Variants in RAB11FIP2 observed in about 807,000 individuals in gnomAD.
RAB11FIP2 encodes rab11 family-interacting protein 2.
Under a neutral mutation model 40.9 loss-of-function variants are expected in RAB11FIP2, and 16 were observed. The observed-to-expected ratio is 0.39, with a 90% CI of 0.26 to 0.59. The LOEUF is 0.59. Ranked by LOEUF, RAB11FIP2 falls within the 20% of genes least tolerant of loss-of-function variation. The pLI is 0.53. For missense variants in RAB11FIP2, 532 were observed against 606.2 expected (o/e 0.88, Z 1.28); for synonymous variants, 228 against 213.7 (o/e 1.07, Z -0.58).
At position 118,046,445 on chromosome 10, in the gene RAB11FIP2, T is replaced by G. The variant is rs1846640017; in HGVS notation, c.-282A>C. ...GCGGACCCCCGCCCCTGTCTCCACC[T>G]TCCCCAGGCCTGCGGGGCACGTGAG... On this transcript the variant is annotated 5_prime_UTR_variant, in exon 1 of 5. Coordinates refer to ENST00000355624, the MANE Select transcript of RAB11FIP2 (RefSeq NM_014904.3). 2.2e-4 allele frequency: 54 copies of G among 242,156 alleles called. No individual in the cohort carries two copies. The highest frequency in any genetic ancestry group is 2.6e-4 in the African/African-American group (3 of 11,530). 15.0% of individuals were successfully genotyped at this position (242,156 alleles called of 1,614,324 possible). A position where few individuals can be genotyped will look rare whatever the true frequency, so the allele number is the denominator to read the frequency against.
chr10:118,036,677 TC>T (rs1430283861), intron 3 of RAB11FIP2, among the ~76,000 whole-genome samples: 1 of 152,098 alleles, frequency 6.6e-6, no homozygotes, highest in Non-Finnish European at 1.5e-5. Context: ...AAGAATAACT[TC>T]CTAGGAATCC....
chr10:118,035,307 T>C (rs1846467205), intron 3 of RAB11FIP2, among the ~76,000 whole-genome samples: 1 of 152,202 alleles, frequency 6.6e-6, no homozygotes, highest in Non-Finnish European at 1.5e-5. Flanking sequence ...CAACCTACCC[T>C]AATACACAGT....
intron 3 of RAB11FIP2, among the ~76,000 whole-genome samples, chr10:118,017,181 T>C (rs1335830491): frequency 6.6e-6 from 1 of 152,214 alleles, no homozygotes; most frequent in Non-Finnish European, 1.5e-5. Flanking sequence ...GGCTCTAGAC[T>C]GCGTCCTCCT....
At position 118,015,631 on chromosome 10, in the gene RAB11FIP2, C is replaced by G. The variant is rs150875998; in HGVS notation, c.1266-521G>C. Among the ~76,000 whole-genome samples, 266 of 152,266 alleles carry G rather than the reference C, an allele frequency of 1.7e-3. 1 individual carries two copies. Among genetic ancestry groups the G allele is most frequent in the African/African-American group, 5.5e-3 (228 of 41,566 alleles). ...TCAGAATTGTGGGAAACATTTCTCT[C>G]GTTAATGTGATTTCTAAGTAGCTAG... On this transcript the variant is annotated intron_variant, in intron 3 of 4. Transcript: ENST00000355624.
intron 3 of RAB11FIP2, among the ~76,000 whole-genome samples, chr10:118,028,991 TAA>T (rs199730881): frequency 6.9e-6 from 1 of 144,266 alleles, no homozygotes; most frequent in Non-Finnish European, 1.5e-5. Flanking sequence ...TCCTAGTCTC[TAA>T]AAAAAAAACT....
chr10:118,008,853 T>A lies in RAB11FIP2; in HGVS notation c.*145A>T. On this transcript the variant is annotated 3_prime_UTR_variant, in exon 5 of 5. Transcript: ENST00000355624. ...TCACTCTTGATAGTCCCTGCTAATA[T>A]TTACAGGTAAAACTACTCTTCACAA... The A allele has an allele frequency of 1.5e-6, 1 of 668,400 alleles. No individual in the cohort carries two copies. The allele number at this position is 668,400 out of a possible 1,614,324, so 41.4% of individuals were successfully genotyped here. A position where few individuals can be genotyped will look rare whatever the true frequency, so the allele number is the denominator to read the frequency against.
At chr10:118,036,350 C>T (rs1198501778) in intron 3 of RAB11FIP2, among the ~76,000 whole-genome samples, 5 of 152,002 alleles carry the variant, frequency 3.3e-5, no homozygotes, top group African/African-American at 7.3e-5. Flanking sequence ...ATTCACAGCA[C>T]GTGTCTTAAT....
At position 118,015,103 on chromosome 10, in the gene RAB11FIP2, T is replaced by C. The variant is rs779295613; in HGVS notation, c.1273A>G (p.Met425Val). 3.5e-5 allele frequency: 56 copies of C among 1,608,334 alleles called. No individual in the cohort carries two copies. The highest frequency in any genetic ancestry group is 1.8e-4 in the Admixed American group (11 of 59,474). ...SNIMPSSSFH[M>V]SPTSNEDLRK... Reference sequence around the variant, plus strand: ...AGGTCTTCATTGCTTGTTGGACTCATATGAAAACTAATAAAACACAAACAA... The same window carrying C: ...AGGTCTTCATTGCTTGTTGGACTCACATGAAAACTAATAAAACACAAACAA... The change falls in exon 4 of 5, where the codon ATG becomes GTG. Residue 425 changes from methionine to valine, a missense_variant. Transcript: ENST00000355624.
chr10:118,045,596 AC>A, intron 1 of RAB11FIP2: 1 of 503,114 alleles, frequency 2.0e-6, no homozygotes, highest in Non-Finnish European at 3.5e-6. Flanking sequence ...CAGATGTTTA[AC>A]AGAAAGAATA....
At chr10:118,036,241 C>T (rs1341204953) in intron 3 of RAB11FIP2, among the ~76,000 whole-genome samples, 2 of 151,972 alleles carry the variant, frequency 1.3e-5, no homozygotes, top group African/African-American at 2.4e-5. Context: ...AGTTCCATGG[C>T]TATGTATTTT....
intron 3 of RAB11FIP2, among the ~76,000 whole-genome samples, chr10:118,016,456 A>C (rs1039840913): frequency 6.6e-6 from 1 of 152,098 alleles, no homozygotes; most frequent in Non-Finnish European, 1.5e-5. Context: ...ACAAAAACTA[A>C]ATCCAAAAAG....
intron 3 of RAB11FIP2, among the ~76,000 whole-genome samples, chr10:118,020,137 G>A (rs183986031): frequency 9.8e-4 from 149 of 152,250 alleles, no homozygotes; most frequent in African/African-American, 3.2e-3. Context: ...ATGGTAAGGT[G>A]CAAGGTAACA....
intron 3 of RAB11FIP2, among the ~76,000 whole-genome samples, chr10:118,029,669 C>G (rs1297704693): frequency 6.6e-6 from 1 of 151,898 alleles, no homozygotes; most frequent in Non-Finnish European, 1.5e-5. Context: ...AAAAAATCAT[C>G]CTGATGGGCT....
Position 118,046,087 on chromosome 10 carries a change from T to C in RAB11FIP2, c.77A>G (p.Lys26Arg), listed in dbSNP as rs147292582. 7.0e-4 allele frequency: 1,129 copies of C among 1,614,072 alleles called. 1 individual carries two copies. The highest frequency in any genetic ancestry group is 9.1e-4 in the Non-Finnish European group (1,071 of 1,180,036). Residue 26 changes from lysine (K) to arginine (R), a missense_variant, in exon 1 of 5, where the codon AAG becomes AGG. Transcript: ENST00000355624. Reference protein sequence around the residue: ...QVTVLQAKDLKPKGKSGTNDT... With the variant: ...QVTVLQAKDLRPKGKSGTNDT... ...ATTGGTACCACTTTTGCCTTTTGGC[T>C]TCAGATCTTTGGCTTGGAGCACTGT...
intron 1 of RAB11FIP2, among the ~76,000 whole-genome samples, chr10:118,042,711 T>C (rs1383226259): frequency 6.6e-6 from 1 of 152,202 alleles, no homozygotes. Context: ...TGTGTGTGTG[T>C]GTATGTGTTT....
chr10:118,024,141 A>G (rs932718269), intron 3 of RAB11FIP2, among the ~76,000 whole-genome samples: 3 of 151,952 alleles, frequency 2.0e-5, no homozygotes, highest in East Asian at 3.9e-4. Flanking sequence ...AAAGACAGTC[A>G]AACAACCCAC....
chr10:118,025,415 C>T (rs1041382483), intron 3 of RAB11FIP2, among the ~76,000 whole-genome samples: 1 of 152,180 alleles, frequency 6.6e-6, no homozygotes, highest in Non-Finnish European at 1.5e-5. Flanking sequence ...TATTGTCCTG[C>T]TTCTATAAGT....
At position 118,006,639 on chromosome 10, in the gene RAB11FIP2, A is replaced by G. The variant is rs1846094596; in HGVS notation, c.*2359T>C. 6.6e-6 allele frequency: 1 copy of G among 152,072 alleles called. No homozygotes were observed. Among genetic ancestry groups the G allele is most frequent in the Non-Finnish European group, 1.5e-5 (1 of 67,926 alleles). The allele number at this position is 152,072 out of a possible 1,614,324, so 9.4% of individuals were successfully genotyped here. On this transcript the variant is annotated 3_prime_UTR_variant, in exon 5 of 5. Transcript: ENST00000355624. ...ATTTTTACTTTTTGTTTTTAGTTTT[A>G]TTATTTTGACTGATTATGAAAATAT...
chr10:118,017,372 T>C (rs1846234238), intron 3 of RAB11FIP2: 1 of 152,216 alleles, frequency 6.6e-6, no homozygotes. Context: ...CTCCGGATAA[T>C]TAAATTTTTA....
Sources: allele counts gnomAD v4.1 joint callset (sites outside exome capture counted in the v4.1 genomes callset), GRCh38; gene constraint gnomAD v4.1.1; transcripts MANE v1.5; gene names NCBI Gene and HGNC (gene_info 2026-07-23, HGNC 2026-07-21).